The following WDR72 variants were observed in gnomAD, a reference collection of about 807,000 sequenced individuals.
The protein encoded by WDR72 is WD repeat domain 72, also known as WD repeat-containing protein 72.
Under a neutral mutation model 124.2 loss-of-function variants are expected in WDR72, and 120 were observed. The observed-to-expected ratio is 0.97, with a 90% confidence interval of 0.83 to 1.12. WDR72 has a LOEUF of 1.12. Ranked by LOEUF, WDR72 falls within the 50% of genes most tolerant of loss-of-function variation. WDR72 has a pLI of 0.00. For missense variants in WDR72, 1,387 were observed against 1,278.8 expected (o/e 1.08, Z -1.29); for synonymous variants, 452 against 441.7 (o/e 1.02, Z -0.29).
Position 53,514,688 on chromosome 15 carries a change from GCTA to G in WDR72, c.*3008_*3010del, listed in dbSNP as rs1891337216. On this transcript the variant is annotated 3_prime_UTR_variant, in exon 20 of 20. Coordinates refer to ENST00000360509, the MANE Select transcript of WDR72 (RefSeq NM_182758.4). Reference sequence around the variant, plus strand: ...AGTAACAGAATGTTTGATACCTGGGGCTACTTTTTAACTGTGTGTTTCTAACAT... The same window carrying G: ...AGTAACAGAATGTTTGATACCTGGGGCTTTTTAACTGTGTGTTTCTAACAT... 6.6e-6 allele frequency: 1 copy of G among 151,984 alleles called. No individual in the cohort carries two copies. Among genetic ancestry groups the G allele is most frequent in the African/African-American group, 2.4e-5 (1 of 41,384 alleles). 9.4% of individuals were successfully genotyped at this position (151,984 alleles called of 1,614,324 possible).
At chr15:53,694,350 C>A (rs1172662397) in intron 13 of WDR72, among the ~76,000 whole-genome samples, 1 of 152,214 alleles carries the variant, frequency 6.6e-6, no homozygotes, top group Non-Finnish European at 1.5e-5. Flanking sequence ...TTCCCATCAG[C>A]TGTCGCTTCT....
At chr15:53,551,937 T>C (rs559379639) in intron 18 of WDR72, among the ~76,000 whole-genome samples, 1 of 152,246 alleles carries the variant, frequency 6.6e-6, no homozygotes, top group South Asian at 2.1e-4. Context: ...GTCTGGCAGT[T>C]GGTCTCTATT....
At position 53,702,294 on chromosome 15, in the gene WDR72, G is replaced by A; in HGVS notation, c.1409C>T (p.Pro470Leu). 6.2e-7 allele frequency: 1 copy of A among 1,614,024 alleles called. No individual in the cohort carries two copies. The highest frequency in any genetic ancestry group is 8.5e-7 in the Non-Finnish European group (1 of 1,179,970). The change falls in exon 12 of 20, where the codon CCA (proline) becomes CTA (leucine). Residue 470 changes from proline (P) to leucine (L), a missense_variant. Transcript: ENST00000360509. Reference protein sequence around the residue: ...HHQSVTSLLYPHGLSSKLDQS... With the variant: ...HHQSVTSLLYLHGLSSKLDQS... ...GTCTAATTTCGAAGAGAGACCATGTGGATAGAGTAATGAAGTGACACTTTG... is the reference window on the plus strand; with the variant it reads ...GTCTAATTTCGAAGAGAGACCATGTAGATAGAGTAATGAAGTGACACTTTG...
At chr15:53,648,521 G>A (rs1160269572) in intron 14 of WDR72, among the ~76,000 whole-genome samples, 2 of 152,182 alleles carry the variant, frequency 1.3e-5, no homozygotes, top group African/African-American at 4.8e-5. Context: ...GTATAGGTCT[G>A]AAGGAAAAAC....
At chr15:53,628,285 T>A (rs956703450) in intron 14 of WDR72, among the ~76,000 whole-genome samples, 1 of 152,076 alleles carries the variant, frequency 6.6e-6, no homozygotes, top group Non-Finnish European at 1.5e-5. Context: ...AGAAGTGTAG[T>A]TAATGCAAAG....
intron 14 of WDR72, among the ~76,000 whole-genome samples, chr15:53,629,600 G>T (rs138409909): frequency 6.6e-6 from 1 of 152,006 alleles, no homozygotes; most frequent in Admixed American, 6.6e-5. Context: ...ATTAAGTTAG[G>T]TCCACTGAAA....
rs565856781 is a variant in WDR72, at chr15:53,658,662, C to T, written c.1962+6910G>A. On this transcript the variant is annotated intron_variant, in intron 14 of 19. Coordinates refer to ENST00000360509, the MANE Select transcript of WDR72 (RefSeq NM_182758.4). ...TACAATAGGCACACAATTTTGTGTCCATGTTTTACACAAATTCTTTTCTAT... is the reference window on the plus strand; with the variant it reads ...TACAATAGGCACACAATTTTGTGTCTATGTTTTACACAAATTCTTTTCTAT... Among the ~76,000 whole-genome samples, 3 of 152,238 alleles carry T rather than the reference C, an allele frequency of 2.0e-5. No homozygotes were observed. In the South Asian group the frequency reaches 6.2e-4, roughly 32 times the overall value.
chr15:53,612,973 T>C (rs1303106187), intron 16 of WDR72, among the ~76,000 whole-genome samples: 2 of 151,894 alleles, frequency 1.3e-5, no homozygotes, highest in Non-Finnish European at 2.9e-5. Context: ...GATTCTGGGA[T>C]ACATTCTGAA....
At chr15:53,620,419 CTT>C (rs112832454) in intron 14 of WDR72, among the ~76,000 whole-genome samples, 19,092 of 151,678 alleles carry the variant, frequency 0.13, 2,686 homozygotes, top group African/African-American at 0.35. Flanking sequence ...TCTAGAAAAA[CTT>C]ATATTTTACC....
At chr15:53,535,653 G>A (rs1465581178) in intron 18 of WDR72, among the ~76,000 whole-genome samples, 1 of 152,148 alleles carries the variant, frequency 6.6e-6, no homozygotes, top group Non-Finnish European at 1.5e-5. Context: ...GTCCAATTTA[G>A]AGGCATTTGG....
At chr15:53,538,033 C>T (rs7178016) in intron 18 of WDR72, among the ~76,000 whole-genome samples, 131,925 of 152,088 alleles carry the variant, frequency 0.87, 57,242 homozygotes, top group South Asian at 0.91. Flanking sequence ...GTAAAAGTGA[C>T]TTCTGACAAT....
At chr15:53,727,325 T>TA (rs1441475267) in intron 2 of WDR72, among the ~76,000 whole-genome samples, 1 of 152,142 alleles carries the variant, frequency 6.6e-6, no homozygotes, top group African/African-American at 2.4e-5. Context: ...ATATCTATTA[T>TA]GTTTTTTCTG....
intron 13 of WDR72, among the ~76,000 whole-genome samples, chr15:53,681,586 G>A (rs1036644070): frequency 6.6e-6 from 1 of 152,140 alleles, no homozygotes; most frequent in Non-Finnish European, 1.5e-5. Flanking sequence ...GGAAAACCCA[G>A]GAAGATAGCA....
intron 18 of WDR72, among the ~76,000 whole-genome samples, chr15:53,552,533 T>C (rs1235525348): frequency 6.6e-6 from 1 of 152,208 alleles, no homozygotes; most frequent in African/African-American, 2.4e-5. Flanking sequence ...GTTAAATGTT[T>C]ATAGTTAATT....
intron 1 of WDR72, chr15:53,759,276 T>C (rs1157933167): frequency 1.3e-5 from 2 of 152,160 alleles, no homozygotes; most frequent in African/African-American, 2.4e-5. Context: ...GAAATTATCC[T>C]AATAGGGAAA....
chr15:53,612,222 T>A (rs2013570343), intron 16 of WDR72, among the ~76,000 whole-genome samples: 1 of 152,166 alleles, frequency 6.6e-6, no homozygotes, highest in African/African-American at 2.4e-5. Flanking sequence ...ATTTGCTAAT[T>A]CCTTCTAGAT....
rs771442935 is a variant in WDR72, at chr15:53,517,728, C to T, written c.3280G>A (p.Ala1094Thr). 1.4e-5 allele frequency: 23 copies of T among 1,612,828 alleles called. No homozygotes were observed. Among genetic ancestry groups the T allele is most frequent in the Non-Finnish European group, 1.9e-5 (22 of 1,179,146 alleles). The change falls in exon 20 of 20, where the codon GCA becomes ACA. Residue 1094 changes from alanine (A) to threonine (T), a missense_variant. By Grantham distance (58) the Ala-to-Thr change is moderately conservative (BLOSUM62 0). Transcript: ENST00000360509. ...GACACCTTGCAGGGGCAGACCTTTG[C>T]TATCCATGAATGATGCCTTGGCTCA... ...PGEPRHHSWIAKVCPCKVS is the reference protein window; with the variant it reads ...PGEPRHHSWITKVCPCKVS
intron 18 of WDR72, among the ~76,000 whole-genome samples, chr15:53,533,571 T>C (rs2140238635): frequency 6.6e-6 from 1 of 152,278 alleles, no homozygotes; most frequent in South Asian, 2.1e-4. Context: ...TGAAAGATTC[T>C]GGAGCCATGG....
At chr15:53,681,473 T>A (rs543715183) in intron 13 of WDR72, among the ~76,000 whole-genome samples, 1 of 152,100 alleles carries the variant, frequency 6.6e-6, no homozygotes, top group Non-Finnish European at 1.5e-5. Context: ...TAAATGCAGA[T>A]ACCAGATACA....
Sources: gnomAD v4.1 joint callset for allele counts (sites outside exome capture counted in the v4.1 genomes callset) on GRCh38, gnomAD v4.1.1 for gene constraint, MANE v1.5 for transcripts, NCBI Gene and HGNC (gene_info 2026-07-23, HGNC 2026-07-21) for gene names.